The following CLIC4 variants were observed in gnomAD, a reference collection of about 807,000 sequenced individuals.
CLIC4 encodes CLIC family member 4, also known as chloride intracellular channel protein 4.
A neutral mutation model predicts 24.6 loss-of-function variants in CLIC4; 13 were observed. The ratio of observed to expected loss-of-function variants is 0.53; its 90% CI spans 0.34 to 0.84. CLIC4 has a LOEUF of 0.84. Ranked by LOEUF, CLIC4 falls within the 40% of genes least tolerant of loss-of-function variation. The probability of loss-of-function intolerance (pLI) is 0.01; values close to 1 mark genes in which losing one functional copy is unlikely to be tolerated. For synonymous variants in CLIC4, 104 were observed against 111.3 expected, an observed-to-expected ratio of 0.93 and a Z score of 0.41; for missense variants, 227 against 301.7, an observed-to-expected ratio of 0.75 and a Z score of 1.83.
At chr1:24,806,419 T>C (rs1487211229) in intron 2 of CLIC4, among the ~76,000 whole-genome samples, 1 of 152,232 alleles carries the variant, frequency 6.6e-6, no homozygotes, top group African/African-American at 2.4e-5. Context: ...TAAAGTTTCT[T>C]CTCAGATTCT....
At chr1:24,820,365 C>T (rs951181444) in intron 3 of CLIC4, among the ~76,000 whole-genome samples, 71 of 141,048 alleles carry the variant, frequency 5.0e-4, no homozygotes, top group African/African-American at 1.7e-3. Flanking sequence ...GCCTCGACCT[C>T]CTGGGCTCAA....
At chr1:24,757,589 G>C (rs999511870) in intron 1 of CLIC4, among the ~76,000 whole-genome samples, 1 of 151,664 alleles carries the variant, frequency 6.6e-6, no homozygotes, top group African/African-American at 2.4e-5. Context: ...AAAAACTAAA[G>C]GTGAACCAAA....
chr1:24,797,205 GCC>G (rs1639414928), intron 1 of CLIC4, among the ~76,000 whole-genome samples: 1 of 151,476 alleles, frequency 6.6e-6, no homozygotes, highest in Non-Finnish European at 1.5e-5. Flanking sequence ...ACCTGCCTCA[GCC>G]TCCCAAAGTG....
chr1:24,768,849 C>T (rs997032001), intron 1 of CLIC4, among the ~76,000 whole-genome samples: 2 of 148,106 alleles, frequency 1.4e-5, no homozygotes, highest in Admixed American at 6.8e-5. Context: ...TGCAGTGAGC[C>T]GAGATTGTGC....
intron 3 of CLIC4, among the ~76,000 whole-genome samples, chr1:24,819,694 C>T (rs1639706237): frequency 6.6e-6 from 1 of 151,900 alleles, no homozygotes. Flanking sequence ...CCGCCTCGGC[C>T]TCCCAGAGTG....
At chr1:24,838,177 A>G (rs961188006) in intron 4 of CLIC4, among the ~76,000 whole-genome samples, 3 of 152,106 alleles carry the variant, frequency 2.0e-5, no homozygotes, top group African/African-American at 4.8e-5. Context: ...CAGCTTCTCT[A>G]TACTACCCTC....
chr1:24,819,728 C>T (rs566747761), intron 3 of CLIC4, among the ~76,000 whole-genome samples: 17 of 150,588 alleles, frequency 1.1e-4, no homozygotes, highest in African/African-American at 3.7e-4. Flanking sequence ...CATGAGCCAC[C>T]GCGCCTGACC....
chr1:24,773,784 A>G (rs529989531), intron 1 of CLIC4, among the ~76,000 whole-genome samples: 1 of 151,588 alleles, frequency 6.6e-6, no homozygotes, highest in Admixed American at 6.6e-5. Flanking sequence ...TTTCATAGAG[A>G]TGGGGGTCTC....
chr1:24,813,132 T>G (rs1199897447), intron 2 of CLIC4, among the ~76,000 whole-genome samples: 1 of 150,342 alleles, frequency 6.7e-6, no homozygotes, highest in Non-Finnish European at 1.5e-5. Flanking sequence ...CAGCCTCTGC[T>G]TCCGGGATTC....
At chr1:24,789,421 G>C (rs1440851626) in intron 1 of CLIC4, among the ~76,000 whole-genome samples, 2 of 152,172 alleles carry the variant, frequency 1.3e-5, no homozygotes, top group Non-Finnish European at 2.9e-5. Context: ...GGGAGGTTGA[G>C]ACAGGAGAAT....
At chr1:24,788,836 C>CTAAAT (rs1159263514) in intron 1 of CLIC4, among the ~76,000 whole-genome samples, 1 of 152,200 alleles carries the variant, frequency 6.6e-6, no homozygotes, top group Non-Finnish European at 1.5e-5. Context: ...AAAACTCCAA[C>CTAAAT]CAAATCCTGC....
intron 1 of CLIC4, among the ~76,000 whole-genome samples, chr1:24,772,707 A>G (rs997472943): frequency 3.2e-4 from 48 of 152,248 alleles, no homozygotes; most frequent in African/African-American, 1.1e-3. Context: ...GCTGGTCTTG[A>G]ACCCCTGACC....
rs1557805467 is a variant in CLIC4 at position 24,798,671 on chromosome 1, C to CCCTCTCTTTCCACGGTG, written c.182+820_182+821insCCTCTCTTTCCACGGTG. 6.6e-5 allele frequency among the ~76,000 whole-genome samples: 10 copies of CCCTCTCTTTCCACGGTG among 151,044 alleles called. No individual in the cohort carries two copies. The East Asian group carries it at 1.4e-3, about 21-fold the overall frequency. ...CACGGTGTCCCTCTCTTTCCACGGT[C>CCCTCTCTTTCCACGGTG]TCCCTCTCTTTCCACGGTCTCCCTC... On this transcript the variant is annotated intron_variant, in intron 2 of 5. Transcript: ENST00000374379.
At chr1:24,817,896 G>A (rs1212684185) in intron 3 of CLIC4, among the ~76,000 whole-genome samples, 1 of 152,158 alleles carries the variant, frequency 6.6e-6, no homozygotes, top group African/African-American at 2.4e-5. Flanking sequence ...GGCCTGAGGA[G>A]AGGGAAAGAC....
At chr1:24,754,933 G>A (rs554850989) in intron 1 of CLIC4, among the ~76,000 whole-genome samples, 7 of 151,800 alleles carry the variant, frequency 4.6e-5, no homozygotes, top group South Asian at 2.1e-4. Context: ...TTAGCTGGGC[G>A]TGGTGGTGGG....
intron 2 of CLIC4, among the ~76,000 whole-genome samples, chr1:24,799,408 C>G (rs1229777425): frequency 6.6e-6 from 1 of 151,250 alleles, no homozygotes; most frequent in Admixed American, 6.6e-5. Context: ...GACCCTCTGC[C>G]TGGCAACCAC....
intron 2 of CLIC4, among the ~76,000 whole-genome samples, chr1:24,804,975 C>T (rs1175546542): frequency 6.7e-6 from 1 of 150,116 alleles, no homozygotes; most frequent in Non-Finnish European, 1.5e-5. Context: ...TGGTGAGTGC[C>T]TTAGTCCCAG....
Position 24,841,419 on chromosome 1 carries a change from G to C in CLIC4, c.*482G>C, listed in dbSNP as rs1639940847. On this transcript the variant is annotated 3_prime_UTR_variant, in exon 6 of 6. Coordinates refer to ENST00000374379, the MANE Select transcript of CLIC4 (RefSeq NM_013943.3). ...TTTAGTAAGAGTATATGAAAGGATT[G>C]CTACTGTATCAGAAATATTGTTTCA... 1 of 152,252 alleles carries C rather than the reference G, an allele frequency of 6.6e-6. No individual in the cohort carries two copies. The highest frequency in any genetic ancestry group is 2.4e-5 in the African/African-American group (1 of 41,460). The allele number at this position is 152,252 out of a possible 1,614,324, so 9.4% of individuals were successfully genotyped here.
chr1:24,795,419 G>T (rs1639386920), intron 1 of CLIC4, among the ~76,000 whole-genome samples: 1 of 152,076 alleles, frequency 6.6e-6, no homozygotes, highest in African/African-American at 2.4e-5. Context: ...CTACTGGGGA[G>T]GCTGAGGCGG....
Sources: gnomAD v4.1 joint callset for allele counts (sites outside exome capture counted in the v4.1 genomes callset) on GRCh38, gnomAD v4.1.1 for gene constraint, MANE v1.5 for transcripts, NCBI Gene and HGNC (gene_info 2026-07-23, HGNC 2026-07-21) for gene names.